The following ATG4A variants were observed in gnomAD, a reference collection of about 807,000 sequenced individuals.
The protein encoded by ATG4A is cysteine protease ATG4A.
In ATG4A, 22 loss-of-function variants were observed where a neutral mutation model predicts 38.4. That is an observed-to-expected ratio of 0.57 (90% CI 0.41 to 0.82). The LOEUF is 0.82. ATG4A is among the 40% of genes least tolerant of loss of function. The pLI, the probability that ATG4A is intolerant of heterozygous loss-of-function variation, is 0.00. For missense variants in ATG4A, 220 were observed against 290.0 expected (o/e 0.76, Z 1.75); for synonymous variants, 86 against 100.7 (o/e 0.85, Z 0.88).
chrX:108,098,646 A>G (rs2031909065), intron 1 of ATG4A, among the ~76,000 whole-genome samples: 1 of 111,276 alleles, frequency 9.0e-6, no homozygotes, highest in South Asian at 3.8e-4. Context: ...TACCCCCACC[A>G]TTGATAACCC....
chrX:108,104,474 C>T (rs769330706), intron 1 of ATG4A, among the ~76,000 whole-genome samples: 15 of 110,329 alleles, frequency 1.4e-4, no homozygotes, highest in Admixed American at 9.6e-5. Context: ...ATTCCATTCC[C>T]TTTTGTCCTG....
At chrX:108,135,460 G>A in intron 6 of ATG4A, among the ~76,000 whole-genome samples, 1 of 111,977 alleles carries the variant, frequency 8.9e-6, no homozygotes, top group Non-Finnish European at 1.9e-5. Context: ...CTTTGGGAAT[G>A]TGTCTGTGAG....
chrX:108,108,905 T>C (rs1339845358), intron 1 of ATG4A, among the ~76,000 whole-genome samples: 2 of 112,271 alleles, frequency 1.8e-5, no homozygotes, highest in African/African-American at 3.2e-5. Flanking sequence ...TCTTTATCCA[T>C]TTATCTATCA....
Position 108,114,410 on chromosome X carries a change from G to A in ATG4A, c.11-11667G>A, listed in dbSNP as rs985778910. Among the ~76,000 whole-genome samples, 10 of 112,070 alleles carry A rather than the reference G, an allele frequency of 8.9e-5. No individual in the cohort carries two copies. The Admixed American group carries it at 9.5e-4, about 11-fold the overall frequency. The stretch of plus-strand genomic sequence containing the variant: ...GCCCAAAGTGACTTTGCAGTAAAAG[G>A]CAGAGCAGAAATAGAACTCAGCTCT... On this transcript the variant is annotated intron_variant, in intron 1 of 12. Coordinates refer to ENST00000372232, the MANE Select transcript of ATG4A (RefSeq NM_052936.5).
At chrX:108,090,184 A>G (rs2031563445), upstream of ATG4A, among the ~76,000 whole-genome samples, 1 of 112,237 alleles carries the variant, frequency 8.9e-6, no homozygotes, top group Non-Finnish European at 1.9e-5. Context: ...TGAGACCATT[A>G]TTACACTTAC....
chrX:108,095,810 T>C (rs772380765), intron 1 of ATG4A, among the ~76,000 whole-genome samples: 1 of 108,374 alleles, frequency 9.2e-6, no homozygotes, highest in African/African-American at 3.4e-5. Context: ...TCCCAGGTTC[T>C]AGTGATTCTT....
intron 1 of ATG4A, among the ~76,000 whole-genome samples, chrX:108,093,849 G>A (rs1242011747): frequency 9.0e-6 from 1 of 111,334 alleles, no homozygotes; most frequent in Non-Finnish European, 1.9e-5. Context: ...GTGCTTATTA[G>A]CCATTCATAT....
At chrX:108,119,704 A>G (rs1166254650) in intron 1 of ATG4A, among the ~76,000 whole-genome samples, 2 of 111,451 alleles carry the variant, frequency 1.8e-5, no homozygotes, top group Non-Finnish European at 3.8e-5. Flanking sequence ...CTAGAACACA[A>G]ATTTTGGGGC....
intron 1 of ATG4A, among the ~76,000 whole-genome samples, chrX:108,095,030 C>G (rs2031762589): frequency 8.9e-6 from 1 of 112,415 alleles, no homozygotes; most frequent in South Asian, 3.7e-4. Flanking sequence ...TCTTGGCACA[C>G]TGCTATCTTT....
chrX:108,129,513 A>G (rs1000220135), intron 3 of ATG4A, among the ~76,000 whole-genome samples: 1 of 111,534 alleles, frequency 9.0e-6, no homozygotes, highest in Admixed American at 9.5e-5. Flanking sequence ...CTAGAATGAA[A>G]TCAACCTTTC....
In ATG4A at chrX:108,153,799, A is replaced by G; in HGVS notation, c.*87A>G. 1.4e-6 allele frequency: 1 copy of G among 708,215 alleles called. No individual in the cohort carries two copies. The highest frequency in any genetic ancestry group is 2.2e-6 in the Non-Finnish European group (1 of 450,732). The allele number at this position is 708,215 out of a possible 1,213,427, so 58.4% of individuals were successfully genotyped here. A position where few individuals can be genotyped will look rare whatever the true frequency, so the allele number is the denominator to read the frequency against. On this transcript the variant is annotated 3_prime_UTR_variant, in exon 13 of 13. Coordinates refer to ENST00000372232, the MANE Select transcript of ATG4A (RefSeq NM_052936.5). ...TTGCATAAAACTTTTCTAGTCAGCA[A>G]GTGCCTGATATGCCAATAGCATACA...
At chrX:108,152,054 T>C in intron 11 of ATG4A, 196 bp downstream of exon 11, 1 of 369,042 alleles carries the variant, frequency 2.7e-6, no homozygotes. Flanking sequence ...AAAATTTTGG[T>C]TTGAAATATG....
intron 9 of ATG4A, among the ~76,000 whole-genome samples, chrX:108,140,444 G>A (rs772478463): frequency 6.4e-5 from 7 of 109,636 alleles, no homozygotes; most frequent in African/African-American, 2.0e-4. Flanking sequence ...GGTCCAGATT[G>A]GCAGAATGTC....
At chrX:108,119,917 A>G (rs769416222) in intron 1 of ATG4A, among the ~76,000 whole-genome samples, 1 of 111,978 alleles carries the variant, frequency 8.9e-6, no homozygotes, top group East Asian at 2.8e-4. Flanking sequence ...TAGTTTGGTT[A>G]TTGTCCAAAA....
chrX:108,126,006 GTAA>G, intron 1 of ATG4A, 68 bp from the exon 2 acceptor site: 1 of 681,109 alleles, frequency 1.5e-6, no homozygotes, highest in Non-Finnish European at 2.2e-6. Flanking sequence ...CAGGGTAAAG[GTAA>G]TAATCAGTCA....
chrX:108,090,625 T>C (rs2031580983), upstream of ATG4A, among the ~76,000 whole-genome samples: 1 of 112,021 alleles, frequency 8.9e-6, no homozygotes, highest in Admixed American at 9.4e-5. Flanking sequence ...ACAGTCTCAC[T>C]AGTGCTTACG....
chrX:108,117,635 C>T (rs1046868713), intron 1 of ATG4A, among the ~76,000 whole-genome samples: 3 of 111,581 alleles, frequency 2.7e-5, no homozygotes, highest in East Asian at 2.8e-4. Flanking sequence ...TTAAGTGCCA[C>T]GTTGATGAGT....
chrX:108,135,855 G>A (rs1044282814), intron 6 of ATG4A, among the ~76,000 whole-genome samples: 2 of 107,303 alleles, frequency 1.9e-5, no homozygotes, highest in Non-Finnish European at 3.8e-5. Flanking sequence ...CACAATCTCC[G>A]CTCACTGCAA....
intron 1 of ATG4A, among the ~76,000 whole-genome samples, chrX:108,123,723 A>T (rs751191373): frequency 8.9e-6 from 1 of 111,995 alleles, no homozygotes; most frequent in East Asian, 2.8e-4. Flanking sequence ...GTGAAGTGCA[A>T]GAGTAAAATT....
Sources: allele counts gnomAD v4.1 joint callset (sites outside exome capture counted in the v4.1 genomes callset), GRCh38; gene constraint gnomAD v4.1.1; transcripts MANE v1.5; gene names NCBI Gene and HGNC (gene_info 2026-07-23, HGNC 2026-07-21).